The following LHX8 variants were observed in gnomAD, a reference collection of about 807,000 sequenced individuals.
LHX8 encodes the protein LIM/homeobox protein Lhx8.
LHX8 carries 12 observed loss-of-function variants against 40.3 expected under a neutral mutation model. That is an observed-to-expected ratio of 0.30 (90% CI 0.19 to 0.48). LHX8 has a LOEUF of 0.48. Among genes scored for constraint, LHX8 ranks in the 20% least tolerant of loss-of-function variants. LHX8 has a pLI of 0.99. For missense variants in LHX8, 344 were observed against 433.7 expected (o/e 0.79, Z 1.84); for synonymous variants, 179 against 162.0 (o/e 1.10, Z -0.80).
At chr1:75,171,483 C>T in the LHX8 span, among the ~76,000 whole-genome samples, 3 of 151,944 alleles carry the variant, frequency 2.0e-5, no homozygotes, top group Non-Finnish European at 4.4e-5. Context: ...TGCATGGATG[C>T]AAATGCTTCT....
chr1:75,130,888 G>T, upstream of LHX8: 1 of 768,034 alleles, frequency 1.3e-6, no homozygotes, highest in Non-Finnish European at 2.3e-6. Flanking sequence ...GGTTTTAGCT[G>T]AGATTTCACC....
At chr1:75,190,541 T>C in the LHX8 span, among the ~76,000 whole-genome samples, 1 of 152,266 alleles carries the variant, frequency 6.6e-6, no homozygotes, top group Non-Finnish European at 1.5e-5. Flanking sequence ...TAAATACCAT[T>C]TCTCAACCAG....
the LHX8 span, among the ~76,000 whole-genome samples, chr1:75,180,297 T>G: frequency 6.6e-6 from 1 of 152,230 alleles, no homozygotes; most frequent in Non-Finnish European, 1.5e-5. Context: ...TCCAGCTTGG[T>G]TCCATTCTCC....
intron 3 of LHX8, 122 bp from the exon 4 acceptor site, chr1:75,140,863 T>G (rs544846180): frequency 1.1e-6 from 1 of 917,880 alleles, no homozygotes; most frequent in Admixed American, 2.0e-5. Flanking sequence ...ATCTTTTGGA[T>G]GAAAACATTC....
At chr1:75,158,889 GATTTTGATACAATCTATTACAGCAAAT>G (rs1381001129) in intron 8 of LHX8, among the ~76,000 whole-genome samples, 1 of 152,064 alleles carries the variant, frequency 6.6e-6, no homozygotes, top group Non-Finnish European at 1.5e-5. Context: ...AAACAATTAA[GATTTTGATACAATCTATTACAGCAAAT>G]ATATTGATCA....
upstream of LHX8, chr1:75,131,041 G>T: frequency 2.2e-6 from 1 of 447,754 alleles, no homozygotes. Context: ...GAGGTGGGCG[G>T]TGAGGGCCGC....
chr1:75,136,555 G>C, intron 1 of LHX8, 48 bp from the exon 2 acceptor site: 2 of 1,381,710 alleles, frequency 1.4e-6, no homozygotes, highest in East Asian at 5.0e-5. Flanking sequence ...AGCACGCTCG[G>C]AACTTCTGAT....
Sources: allele counts gnomAD v4.1 joint callset (sites outside exome capture counted in the v4.1 genomes callset), GRCh38; gene constraint gnomAD v4.1.1; transcripts MANE v1.5; gene names NCBI Gene and HGNC (gene_info 2026-07-23, HGNC 2026-07-21).